The following EYS variants were observed in gnomAD, a reference collection of about 807,000 sequenced individuals.
The protein encoded by EYS is EGF-like photoreceptor maintenance factor.
A neutral mutation model predicts 282.1 loss-of-function variants in EYS; 250 were observed. The ratio of observed to expected loss-of-function variants is 0.89; its 90% confidence interval spans 0.80 to 0.98. The LOEUF is 0.98. Among genes scored for constraint, EYS ranks in the 50% least tolerant of loss-of-function variants. The probability of loss-of-function intolerance (pLI) is 0.00; values close to 1 mark genes in which losing one functional copy is unlikely to be tolerated. For missense variants in EYS, 4,016 were observed against 3,709.0 expected (o/e 1.08, Z -2.15); for synonymous variants, 1,355 against 1,282.9 (o/e 1.06, Z -1.20).
chr6:64,284,747 G>A (rs562702968), intron 30 of EYS, among the ~76,000 whole-genome samples: 6 of 152,170 alleles, frequency 3.9e-5, no homozygotes, highest in Admixed American at 6.5e-5. Context: ...TTCTGCACCC[G>A]CATGCTCAAC....
chr6:64,960,438 C>A (rs946208891), intron 14 of EYS, among the ~76,000 whole-genome samples: 16 of 152,046 alleles, frequency 1.1e-4, no homozygotes, highest in African/African-American at 3.4e-4. Context: ...CAATGTAGAA[C>A]CTAGGTCACT....
rs780527503 is a variant in EYS, at chr6:65,295,949, T to A, written c.1937A>T (p.Asp646Val). Residue 646 changes from aspartate to valine, a missense_variant, in exon 12 of 43, where the codon GAC (aspartate) becomes GTC (valine). Coordinates refer to ENST00000503581, the MANE Select transcript of EYS (RefSeq NM_001142800.2). Reference sequence around the variant, plus strand: ...ATTTTTGCAGGACGCAGATTTGCAGTCTTCAGTATCTATCTCACAGATGTT... The same window carrying A: ...ATTTTTGCAGGACGCAGATTTGCAGACTTCAGTATCTATCTCACAGATGTT... The part of the protein sequence containing the change: ...ERNICEIDTE[D>V]CKSASCKNGT... 6.4e-7 allele frequency: 1 copy of A among 1,551,136 alleles called. No homozygotes were observed. Among genetic ancestry groups the A allele is most frequent in the African/African-American group, 1.4e-5 (1 of 73,120 alleles).
At chr6:64,871,324 CAA>C (rs35970126) in intron 19 of EYS, among the ~76,000 whole-genome samples, 1 of 131,858 alleles carries the variant, frequency 7.6e-6, no homozygotes, top group Non-Finnish European at 1.7e-5. Flanking sequence ...AGTTGCTTCT[CAA>C]AAAAAAAAAA....
chr6:64,191,747 G>T (rs1471873391), intron 31 of EYS, among the ~76,000 whole-genome samples: 2 of 151,746 alleles, frequency 1.3e-5, no homozygotes, highest in Admixed American at 1.3e-4. Context: ...ATTTGGGTTG[G>T]TTCCAAGTCT....
intron 35 of EYS, among the ~76,000 whole-genome samples, chr6:63,922,073 C>T (rs1581979376): frequency 6.6e-6 from 1 of 152,134 alleles, no homozygotes; most frequent in Admixed American, 6.6e-5. Flanking sequence ...AAGAAGGTGG[C>T]CCTCTGTAAA....
At chr6:65,630,901 T>C (rs1295084863) in intron 2 of EYS, among the ~76,000 whole-genome samples, 1 of 152,234 alleles carries the variant, frequency 6.6e-6, no homozygotes, top group Non-Finnish European at 1.5e-5. Context: ...ACCGTATTGT[T>C]TGGTAGTTAA....
chr6:65,638,652 G>A (rs549106933), intron 2 of EYS, among the ~76,000 whole-genome samples: 1 of 152,350 alleles, frequency 6.6e-6, no homozygotes, highest in South Asian at 2.1e-4. Flanking sequence ...ACCTGTGCCG[G>A]TGCCTGGAGC....
rs577396039 is a variant in EYS, at chr6:64,942,651, T to G, written c.2381+3142A>C. Among the ~76,000 whole-genome samples the G allele has an allele frequency of 2.5e-4, 38 of 151,742 alleles. 1 individual carries two copies. In the South Asian group the frequency reaches 7.7e-3, roughly 31 times the overall value. ...GGTAAATACCTGGTAACACACCACCTCTCAAGATTGAATGAGAAAAAAATT... is the reference window on the plus strand; with the variant it reads ...GGTAAATACCTGGTAACACACCACCGCTCAAGATTGAATGAGAAAAAAATT... On this transcript the variant is annotated intron_variant, in intron 15 of 42. Coordinates refer to ENST00000503581, the MANE Select transcript of EYS (RefSeq NM_001142800.2).
chr6:65,683,425 T>A (rs1009498734), intron 1 of EYS, among the ~76,000 whole-genome samples: 1 of 151,356 alleles, frequency 6.6e-6, no homozygotes, highest in African/African-American at 2.4e-5. Context: ...ATTGCAATAG[T>A]CTTAACTACT....
chr6:65,506,078 T>C (rs1766642494), intron 2 of EYS, among the ~76,000 whole-genome samples: 1 of 152,174 alleles, frequency 6.6e-6, no homozygotes, highest in Non-Finnish European at 1.5e-5. Context: ...CATGCACATA[T>C]AGGATTGTTA....
intron 35 of EYS, among the ~76,000 whole-genome samples, chr6:63,958,182 G>C (rs536551611): frequency 7.1e-6 from 1 of 140,720 alleles, no homozygotes; most frequent in Non-Finnish European, 1.6e-5. Context: ...TTTATTGAGA[G>C]TGTTCCAGAC....
At chr6:64,982,565 G>C (rs1238223766) in intron 14 of EYS, among the ~76,000 whole-genome samples, 3 of 151,218 alleles carry the variant, frequency 2.0e-5, no homozygotes, top group East Asian at 3.9e-4. Context: ...AGTTTGAAAA[G>C]TGTTGGCAGA....
At chr6:64,765,975 G>A (rs2149981949) in intron 22 of EYS, among the ~76,000 whole-genome samples, 1 of 152,036 alleles carries the variant, frequency 6.6e-6, no homozygotes, top group South Asian at 2.1e-4. Context: ...TGAGCTATTG[G>A]CACTATTTTC....
intron 24 of EYS, among the ~76,000 whole-genome samples, chr6:64,595,693 C>G (rs1416516017): frequency 6.6e-6 from 1 of 151,988 alleles, no homozygotes; most frequent in African/African-American, 2.4e-5. Flanking sequence ...GTCACAATAG[C>G]CTCACAAAAG....
chr6:64,581,052 A>T (rs1766043885), intron 26 of EYS, among the ~76,000 whole-genome samples: 1 of 152,130 alleles, frequency 6.6e-6, no homozygotes. Context: ...GGTGAAACAC[A>T]ATAAATAGTA....
intron 35 of EYS, among the ~76,000 whole-genome samples, chr6:63,893,039 C>T (rs889083904): frequency 2.2e-4 from 34 of 152,112 alleles, no homozygotes; most frequent in African/African-American, 4.8e-4. Flanking sequence ...TACCACCTTA[C>T]ACCAGTTAGA....
chr6:65,639,081 A>C (rs1436183214), intron 2 of EYS, among the ~76,000 whole-genome samples: 1 of 152,252 alleles, frequency 6.6e-6, no homozygotes, highest in Non-Finnish European at 1.5e-5. Context: ...TACTAGAACA[A>C]GCAGATATCA....
Position 65,495,859 on chromosome 6 carries a change from T to G in EYS, c.-198A>C. On this transcript the variant is annotated splice_region_variant and 5_prime_UTR_variant, in exon 3 of 43. Coordinates refer to ENST00000503581, the MANE Select transcript of EYS (RefSeq NM_001142800.2). ...TGACATAATTAAGCCAGCAACTTAC[T>G]GCGGTCTTTTGTGTTTTCTCTTTAC... 2 of 174,330 alleles carry G rather than the reference T, an allele frequency of 1.1e-5. No individual in the cohort carries two copies. The highest frequency in any genetic ancestry group is 1.3e-4 in the South Asian group (1 of 7,734). 10.8% of individuals were successfully genotyped at this position (174,330 alleles called of 1,614,324 possible).
At chr6:64,415,227 G>A (rs1213529874) in intron 28 of EYS, among the ~76,000 whole-genome samples, 1 of 152,184 alleles carries the variant, frequency 6.6e-6, no homozygotes, top group Non-Finnish European at 1.5e-5. Flanking sequence ...GAAGTACACT[G>A]AGAGCCACAC....
Sources: gnomAD v4.1 joint callset for allele counts (sites outside exome capture counted in the v4.1 genomes callset) on GRCh38, gnomAD v4.1.1 for gene constraint, MANE v1.5 for transcripts, NCBI Gene and HGNC (gene_info 2026-07-23, HGNC 2026-07-21) for gene names.